MALAT1: variants seen among roughly 807,000 people sequenced by gnomAD.
MALAT1 encodes hepcarcin.
chr11:65,505,284 G>C, intron 3 of MALAT1: 2 of 518,846 alleles, frequency 3.9e-6, no homozygotes, highest in Non-Finnish European at 7.7e-6. Flanking sequence ...CTAAGGTCAA[G>C]AGAAGTGTCA....
exon 3 of MALAT1, chr11:65,500,367 T>A (rs1440211052): frequency 1.9e-6 from 1 of 518,874 alleles, no homozygotes. Flanking sequence ...TTTTAAATCC[T>A]GAGGACTAGC....
chr11:65,505,192 C>A (rs771040649), intron 3 of MALAT1: 1 of 518,734 alleles, frequency 1.9e-6, no homozygotes, highest in East Asian at 5.4e-5. Context: ...TTCAGGTACC[C>A]CTCACTAAAG....
chr11:65,504,045 T>TA (rs1854616684), intron 3 of MALAT1: 1 of 518,172 alleles, frequency 1.9e-6, no homozygotes, highest in Non-Finnish European at 3.9e-6. Context: ...CTTACAATCT[T>TA]AGAGTGGTAG....
At chr11:65,503,410 CA>C (rs1565054678) in exon 3 of MALAT1, 2 of 515,924 alleles carry the variant, frequency 3.9e-6, no homozygotes, top group East Asian at 1.1e-4. Flanking sequence ...GAGGCATTTG[CA>C]TCTTTAAATA....
chr11:65,498,726 CT>C (rs748201821), exon 2 of MALAT1: 1 of 518,778 alleles, frequency 1.9e-6, no homozygotes, highest in Non-Finnish European at 3.8e-6. Context: ...ACAAGAAGTG[CT>C]TTAAGAGGTA....
chr11:65,505,699 A>G (rs939206379), intron 3 of MALAT1: 5 of 518,904 alleles, frequency 9.6e-6, no homozygotes, highest in Admixed American at 3.9e-5. Flanking sequence ...GGGTTGAACT[A>G]TGTTAGAAAA....
exon 3 of MALAT1, chr11:65,500,330 T>C (rs764256477): frequency 1.9e-6 from 1 of 518,514 alleles, no homozygotes; most frequent in East Asian, 5.4e-5. Flanking sequence ...TTAATGTTTT[T>C]GCATTGGACT....
chr11:65,499,434 C>T (rs779426944), exon 3 of MALAT1: 2 of 476,398 alleles, frequency 4.2e-6, no homozygotes, highest in South Asian at 1.5e-5. Context: ...GTGACTTAAA[C>T]AGCTTAAAGT....
intron 1 of MALAT1, chr11:65,498,461 C>G: frequency 1.9e-6 from 1 of 518,572 alleles, no homozygotes; most frequent in South Asian, 1.4e-5. Flanking sequence ...TGGGTTTTCA[C>G]GTTTCTAAGA....
exon 3 of MALAT1, chr11:65,501,337 A>C: frequency 1.9e-6 from 1 of 518,840 alleles, no homozygotes; most frequent in Non-Finnish European, 3.8e-6. Flanking sequence ...AGAAAATCCA[A>C]TATCAGGATA....
At chr11:65,505,824 A>G (rs558535854) in intron 3 of MALAT1, 1 of 498,344 alleles carries the variant, frequency 2.0e-6, no homozygotes, top group South Asian at 1.5e-5. Flanking sequence ...AAGTGGAGAA[A>G]TAACATGTTC....
chr11:65,500,453 C>G (rs767689186), exon 3 of MALAT1: 5 of 518,922 alleles, frequency 9.6e-6, no homozygotes, highest in Non-Finnish European at 1.5e-5. Flanking sequence ...AGACAGGATT[C>G]CAGGAACCAG....
chr11:65,501,009 T>G (rs117197658), exon 3 of MALAT1: 63 of 238,016 alleles, frequency 2.6e-4, no homozygotes, highest in South Asian at 5.2e-4. Context: ...AGTTTGTGGG[T>G]TTTTTTTTTT....
chr11:65,499,505 A>ATC (rs1159227250), exon 3 of MALAT1: 2 of 464,722 alleles, frequency 4.3e-6, no homozygotes, highest in Non-Finnish European at 8.5e-6. Context: ...AAAGAGATTA[A>ATC]ACCGAAGGTG....
At chr11:65,499,505 A>C in exon 3 of MALAT1, 1 of 464,840 alleles carries the variant, frequency 2.2e-6, no homozygotes, top group Non-Finnish European at 4.3e-6. Flanking sequence ...AAAGAGATTA[A>C]ACCGAAGGTG....
chr11:65,505,756 A>G (rs1165704899), intron 3 of MALAT1: 2 of 518,868 alleles, frequency 3.9e-6, no homozygotes, highest in Non-Finnish European at 3.8e-6. Flanking sequence ...TATTAAAACC[A>G]CAGCTAAGTA....
chr11:65,499,367 C>G (rs373127757), exon 3 of MALAT1: 7 of 492,312 alleles, frequency 1.4e-5, no homozygotes, highest in Non-Finnish European at 2.0e-5. Flanking sequence ...AGAGAAAGGA[C>G]TACAGAGCCC....
chr11:65,501,014 T>C (rs1235000648), exon 3 of MALAT1: 3 of 508,380 alleles, frequency 5.9e-6, no homozygotes, highest in Admixed American at 4.1e-5. Flanking sequence ...GTGGGTTTTT[T>C]TTTTTTACAC....
chr11:65,504,079 T>G (rs779011707), intron 3 of MALAT1: 6 of 518,058 alleles, frequency 1.2e-5, no homozygotes, highest in Non-Finnish European at 1.9e-5. Context: ...CTATTGACCT[T>G]ATATAGGGAA....
Sources: allele counts gnomAD v4.1 joint callset, GRCh38; gene constraint gnomAD v4.1.1; transcripts MANE v1.5; gene names NCBI Gene and HGNC (gene_info 2026-07-23, HGNC 2026-07-21).